The following TBC1D31 variants were observed in gnomAD, a reference collection of about 807,000 sequenced individuals.
The protein encoded by TBC1D31 is WD repeat domain 67.
A neutral mutation model predicts 132.9 loss-of-function variants in TBC1D31; 99 were observed. The ratio of observed to expected loss-of-function variants is 0.74; its 90% confidence interval spans 0.63 to 0.88. TBC1D31 has a LOEUF of 0.88. Ranked by LOEUF, TBC1D31 falls within the 40% of genes least tolerant of loss-of-function variation. TBC1D31 has a pLI of 0.00. For missense variants in TBC1D31, 1,134 were observed against 1,256.6 expected, an observed-to-expected ratio of 0.90 and a Z score of 1.48; for synonymous variants, 385 against 419.4, an observed-to-expected ratio of 0.92 and a Z score of 1.00.
At chr8:123,151,528 TTC>T (rs1201309558) in intron 21 of TBC1D31, among the ~76,000 whole-genome samples, 1 of 152,252 alleles carries the variant, frequency 6.6e-6, no homozygotes, top group African/African-American at 2.4e-5. Flanking sequence ...CAAACTCAAA[TTC>T]TCTCTTAAAT....
chr8:123,145,772 TCA>T (rs1365742103), intron 20 of TBC1D31, among the ~76,000 whole-genome samples: 1 of 152,156 alleles, frequency 6.6e-6, no homozygotes, highest in Non-Finnish European at 1.5e-5. Flanking sequence ...TTATTTTGTT[TCA>T]GTCTTTTATA....
the TBC1D31 span, among the ~76,000 whole-genome samples, chr8:123,159,352 G>T: frequency 6.6e-6 from 1 of 151,668 alleles, no homozygotes; most frequent in African/African-American, 2.4e-5. Flanking sequence ...CAGGCATAAT[G>T]GTCTGTCCAG....
intron 16 of TBC1D31, among the ~76,000 whole-genome samples, 170 bp from the exon 17 acceptor site, chr8:123,133,944 C>T (rs982384263): frequency 2.0e-5 from 3 of 151,996 alleles, no homozygotes; most frequent in Admixed American, 6.6e-5. Flanking sequence ...GAGATTATTC[C>T]TAGGTTCTGC....
intron 4 of TBC1D31, among the ~76,000 whole-genome samples, chr8:123,087,904 C>T (rs1388551700): frequency 6.6e-6 from 1 of 152,106 alleles, no homozygotes; most frequent in Non-Finnish European, 1.5e-5. Flanking sequence ...AAAACAGGAC[C>T]GGGTACGGGG....
chr8:123,109,607 A>G lies in TBC1D31; in HGVS notation c.1423A>G (p.Arg475Gly), dbSNP rs1316504103. Residue 475 changes from arginine (R) to glycine (G), a missense_variant, in exon 10 of 22, where the codon AGA becomes GGA. By Grantham distance (125) the Arg-to-Gly change is moderately radical (BLOSUM62 -2). Coordinates refer to ENST00000287380, the MANE Select transcript of TBC1D31 (RefSeq NM_145647.4). Reference protein sequence around the residue: ...KYPIKSRKLLRVLQRTLSALA... With the variant: ...KYPIKSRKLLGVLQRTLSALA... ...CCCCATCAAAAGTAGGAAGCTACTC[A>G]GAGTATTACAGAGGTATGTTCTATA... 1.2e-6 allele frequency: 2 copies of G among 1,612,140 alleles called. No individual in the cohort carries two copies. Among genetic ancestry groups the G allele is most frequent in the Non-Finnish European group, 1.7e-6 (2 of 1,179,442 alleles).
intron 3 of TBC1D31, 138 bp from the exon 4 acceptor site, chr8:123,084,023 AT>A: frequency 1.5e-6 from 1 of 683,942 alleles, no homozygotes; most frequent in Non-Finnish European, 2.5e-6. Context: ...ACAAGCTTCC[AT>A]TTTTGTGGAT....
At chr8:123,114,303 C>CTGTT (rs767687784) in intron 10 of TBC1D31, among the ~76,000 whole-genome samples, 2 of 148,636 alleles carry the variant, frequency 1.3e-5, no homozygotes, top group African/African-American at 5.0e-5. Flanking sequence ...TTGTTGTTTT[C>CTGTT]TGTTTGTTTG....
At chr8:123,142,188 CAT>C (rs1821769622) in intron 18 of TBC1D31, 72 bp from the exon 19 acceptor site, 1 of 1,120,552 alleles carries the variant, frequency 8.9e-7, no homozygotes, top group South Asian at 1.8e-5. Flanking sequence ...CACTTGGATA[CAT>C]TGAATGGTTA....
chr8:123,125,045 TAATC>T (rs1304012411), intron 11 of TBC1D31, among the ~76,000 whole-genome samples: 1 of 152,058 alleles, frequency 6.6e-6, no homozygotes, highest in Non-Finnish European at 1.5e-5. Context: ...CAAATTTAAA[TAATC>T]AATAATAAGT....
chr8:123,107,535 CAATGTTGCTCCTATTT>C (rs1818050524), intron 8 of TBC1D31, among the ~76,000 whole-genome samples: 1 of 152,164 alleles, frequency 6.6e-6, no homozygotes, highest in Non-Finnish European at 1.5e-5. Context: ...AAAGACTGGG[CAATGTTGCTCCTATTT>C]AATGAATGCT....
At chr8:123,119,197 A>G (rs1179836989) in intron 10 of TBC1D31, among the ~76,000 whole-genome samples, 1 of 152,212 alleles carries the variant, frequency 6.6e-6, no homozygotes. Context: ...CGCGAGTCAT[A>G]GGAACGTAAA....
intron 7 of TBC1D31, chr8:123,102,320 T>C (rs10956117): frequency 0.59 from 267,874 of 454,924 alleles, 81,047 homozygotes; most frequent in African/African-American, 0.77. Flanking sequence ...CTTCCAAGAT[T>C]ACATGAGATT....
chr8:123,112,838 T>C (rs938971883), intron 10 of TBC1D31, among the ~76,000 whole-genome samples: 13 of 152,214 alleles, frequency 8.5e-5, no homozygotes, highest in Non-Finnish European at 1.5e-4. Flanking sequence ...GGGAATTTGC[T>C]TACTTTTTCT....
intron 18 of TBC1D31, 140 bp from the exon 19 acceptor site, chr8:123,142,122 T>G (rs1821764143): frequency 1.1e-5 from 6 of 523,646 alleles, no homozygotes; most frequent in Non-Finnish European, 1.9e-5. Context: ...CAGCTTATTT[T>G]AAACACTCCC....
chr8:123,080,730 T>C (rs951410505), intron 2 of TBC1D31, among the ~76,000 whole-genome samples: 1 of 151,862 alleles, frequency 6.6e-6, no homozygotes, highest in African/African-American at 2.4e-5. Flanking sequence ...AGAGACAGGG[T>C]TTCACCATGT....
At chr8:123,153,551 C>T (rs1822913509), downstream of TBC1D31, among the ~76,000 whole-genome samples, 3 of 152,224 alleles carry the variant, frequency 2.0e-5, no homozygotes, top group African/African-American at 4.8e-5. Flanking sequence ...AATCTTGATG[C>T]AATCACTGCC....
chr8:123,164,961 A>G, the TBC1D31 span, among the ~76,000 whole-genome samples: 89 of 152,346 alleles, frequency 5.8e-4, no homozygotes, highest in African/African-American at 2.1e-3. Flanking sequence ...GCCAATACAT[A>G]GATATCTTCC....
chr8:123,093,818 T>C, intron 5 of TBC1D31, 76 bp downstream of exon 5: 1 of 1,059,126 alleles, frequency 9.4e-7, no homozygotes, highest in Non-Finnish European at 1.3e-6. Context: ...TTTCATTTAG[T>C]TTTTATTCAG....
intron 6 of TBC1D31, 97 bp from the exon 7 acceptor site, chr8:123,100,710 A>G (rs1817315042): frequency 2.5e-6 from 2 of 803,596 alleles, no homozygotes; most frequent in South Asian, 3.2e-5. Context: ...ACACATACAT[A>G]CACAAACGTT....
Sources: gnomAD v4.1 joint callset for allele counts (sites outside exome capture counted in the v4.1 genomes callset) on GRCh38, gnomAD v4.1.1 for gene constraint, MANE v1.5 for transcripts, NCBI Gene and HGNC (gene_info 2026-07-23, HGNC 2026-07-21) for gene names.